The following CNDP1 variants were observed in gnomAD, a reference collection of about 807,000 sequenced individuals.
CNDP1 encodes beta-Ala-His dipeptidase.
A neutral mutation model predicts 58.1 loss-of-function variants in CNDP1; 44 were observed. The observed-to-expected ratio is 0.76, with a 90% CI of 0.60 to 0.97. The LOEUF (loss-of-function observed/expected upper bound fraction) is 0.97. Ranked by LOEUF, CNDP1 falls within the 50% of genes least tolerant of loss-of-function variation. CNDP1 has a pLI of 0.00. For missense variants in CNDP1, 616 were observed against 655.1 expected, an observed-to-expected ratio of 0.94 and a Z score of 0.65; for synonymous variants, 254 against 252.6, an observed-to-expected ratio of 1.01 and a Z score of -0.05.
intron 1 of CNDP1, among the ~76,000 whole-genome samples, chr18:74,543,100 C>T (rs770639419): frequency 7.2e-5 from 11 of 152,186 alleles, no homozygotes; most frequent in African/African-American, 9.7e-5. Context: ...TGGATGCAAA[C>T]GAAGTATGTT....
chr18:74,561,671 A>T (rs1420752305), intron 4 of CNDP1: 1 of 195,124 alleles, frequency 5.1e-6, no homozygotes, highest in Non-Finnish European at 1.1e-5. Flanking sequence ...TCATTCTTCT[A>T]CTAACTGTAA....
chr18:74,583,004 T>C (rs528567466), intron 10 of CNDP1, among the ~76,000 whole-genome samples: 1 of 152,272 alleles, frequency 6.6e-6, no homozygotes, highest in East Asian at 1.9e-4. Context: ...TTATTTACAA[T>C]TGTATTTATT....
chr18:74,561,099 G>A (rs1394929678), intron 4 of CNDP1, 81 bp downstream of exon 4: 4 of 1,532,810 alleles, frequency 2.6e-6, no homozygotes, highest in Non-Finnish European at 2.7e-6. Context: ...CTGTCCCTGG[G>A]TTTTGGGTCT....
chr18:74,576,630 C>A (rs185077501), intron 7 of CNDP1: 65 of 402,296 alleles, frequency 1.6e-4, no homozygotes, highest in African/African-American at 1.0e-3. Context: ...TTCAGCCACA[C>A]CTTTGACAAG....
intron 2 of CNDP1, among the ~76,000 whole-genome samples, chr18:74,557,853 A>T (rs1038920687): frequency 1.3e-5 from 2 of 152,224 alleles, no homozygotes; most frequent in African/African-American, 2.4e-5. Flanking sequence ...TCTGACCTTC[A>T]TGCAATCCTT....
At chr18:74,572,790 C>CAAAAAAAAAAAAAAAAAAAAAAAAAA (rs56059264) in intron 7 of CNDP1, among the ~76,000 whole-genome samples, 9 of 60,070 alleles carry the variant, frequency 1.5e-4, no homozygotes, top group East Asian at 5.4e-4. Flanking sequence ...GACCCTGTAT[C>CAAAAAAAAAAAAAAAAAAAAAAAAAA]AAAAAAAAAA....
intron 7 of CNDP1, among the ~76,000 whole-genome samples, chr18:74,573,431 A>ATCCATCCATCCAT (rs565156580): frequency 6.6e-4 from 94 of 141,868 alleles, no homozygotes; most frequent in Non-Finnish European, 1.2e-3. Flanking sequence ...CATCCATCCA[A>ATCCATCCATCCAT]CTATCTATCT....
rs935846973 is a variant in CNDP1 at position 74,579,224 on chromosome 18, C to G, written c.1167+897C>G. Among the ~76,000 whole-genome samples the G allele has an allele frequency of 3.5e-5, 5 of 144,516 alleles. No homozygotes were observed. The South Asian group carries it at 1.1e-3, about 33-fold the overall frequency. The allele number at this position is 144,516 out of a possible 152,430, so 94.8% of individuals were successfully genotyped here. ...CCTTGCCTTCCCTTCCCTTCCCTTC[C>G]CTTCCCTCACCTCCCCTCTCCTTTC... On this transcript the variant is annotated intron_variant, in intron 9 of 11. Coordinates refer to ENST00000358821, the MANE Select transcript of CNDP1 (RefSeq NM_032649.6).
intron 2 of CNDP1, among the ~76,000 whole-genome samples, chr18:74,556,896 CTTCATTCA>C (rs897673195): frequency 1.3e-5 from 2 of 152,306 alleles, no homozygotes; most frequent in East Asian, 1.9e-4. Context: ...ACTTTATCTC[CTTCATTCA>C]TTCATTCATT....
chr18:74,552,452 A>G (rs1980934810), intron 1 of CNDP1, among the ~76,000 whole-genome samples: 1 of 152,184 alleles, frequency 6.6e-6, no homozygotes, highest in South Asian at 2.1e-4. Flanking sequence ...GTAACCACCA[A>G]TCTACTTTCT....
In CNDP1 at chr18:74,545,933, C is replaced by T. The variant is rs1394547138; in HGVS notation, c.25-10405C>T. ...ATTTACACCTCTCACCCCTCAAAAC[C>T]GAGAGCCATGCCCTGTTTCCCCATT... On this transcript the variant is annotated intron_variant, in intron 1 of 11. Coordinates refer to ENST00000358821, the MANE Select transcript of CNDP1 (RefSeq NM_032649.6). The surrounding 1 kb of genome is among the most constrained non-coding windows in gnomAD (Gnocchi z 4.1). 1.3e-5 allele frequency among the ~76,000 whole-genome samples: 2 copies of T among 152,150 alleles called. No homozygotes were observed. The highest frequency in any genetic ancestry group is 1.9e-4 in the East Asian group (1 of 5,192).
In CNDP1 at chr18:74,583,675, A is replaced by G; in HGVS notation, c.1424A>G (p.Asp475Gly). ...VVLIPLGAVD[D>G]GEHSQNEKIN... is the part of the protein sequence containing the mutation. ...CTAATTCCGCTGGGAGCTGTTGATG[A>G]TGGAGAACATTCGCAGAATGAGAAA... The change falls in exon 11 of 12, where the codon GAT (aspartate) becomes GGT (glycine). Residue 475 changes from aspartate (D) to glycine (G), a missense_variant. Transcript: ENST00000358821. 1 of 1,614,172 alleles carries G rather than the reference A, an allele frequency of 6.2e-7. No homozygotes were observed. The highest frequency in any genetic ancestry group is 1.1e-5 in the South Asian group (1 of 91,086).
At chr18:74,575,867 ATTTTTT>A (rs34962477) in intron 7 of CNDP1, among the ~76,000 whole-genome samples, 3 of 94,774 alleles carry the variant, frequency 3.2e-5, no homozygotes, top group Non-Finnish European at 1.9e-5. Context: ...GTGTGTATAC[ATTTTTT>A]TTTTTTTTTT....
At chr18:74,550,124 G>A (rs1248666027) in intron 1 of CNDP1, among the ~76,000 whole-genome samples, 1 of 152,170 alleles carries the variant, frequency 6.6e-6, no homozygotes, top group African/African-American at 2.4e-5. Context: ...CCCCACTGGG[G>A]CACTACCTAA....
chr18:74,572,999 T>C (rs989814869), intron 7 of CNDP1, among the ~76,000 whole-genome samples: 1 of 152,196 alleles, frequency 6.6e-6, no homozygotes, highest in African/African-American at 2.4e-5. Context: ...GCATCATTTT[T>C]AGTTGCACAG....
chr18:74,556,523 A>G (rs2144652618), intron 2 of CNDP1, 57 bp downstream of exon 2: 3 of 1,598,742 alleles, frequency 1.9e-6, no homozygotes, highest in African/African-American at 1.3e-5. Context: ...ATCCTTTGGT[A>G]TTTGGGTGAG....
intron 10 of CNDP1, among the ~76,000 whole-genome samples, chr18:74,582,390 T>C (rs937777093): frequency 1.1e-4 from 16 of 152,232 alleles, no homozygotes; most frequent in Admixed American, 1.3e-4. Context: ...ACTCATCTCT[T>C]TCTAAAACCT....
At chr18:74,564,618 A>T (rs1288569874) in intron 5 of CNDP1, among the ~76,000 whole-genome samples, 1 of 152,178 alleles carries the variant, frequency 6.6e-6, no homozygotes, top group Non-Finnish European at 1.5e-5. Flanking sequence ...TTCTTGAAAA[A>T]TTCCTTTTGG....
In CNDP1 at chr18:74,584,844, T is replaced by G. The variant is rs1599105793; in HGVS notation, c.*282T>G. On this transcript the variant is annotated 3_prime_UTR_variant, in exon 12 of 12. Coordinates refer to ENST00000358821, the MANE Select transcript of CNDP1 (RefSeq NM_032649.6). ...CTGTGCAATAGCCCCAGGATTGGAT[T>G]CCTTCAAACCTTTTAGCATATCTCC... 1.6e-5 allele frequency: 6 copies of G among 385,344 alleles called. No homozygotes were observed. The East Asian group carries it at 2.4e-4, about 15-fold the overall frequency. The allele number at this position is 385,344 out of a possible 1,614,324, so 23.9% of individuals were successfully genotyped here.
Sources: allele counts gnomAD v4.1 joint callset (sites outside exome capture counted in the v4.1 genomes callset), GRCh38; gene constraint gnomAD v4.1.1; non-coding constraint Gnocchi (gnomAD v3.1); transcripts MANE v1.5; gene names NCBI Gene and HGNC (gene_info 2026-07-23, HGNC 2026-07-21).